The following WHRN variants were observed in gnomAD, a reference collection of about 807,000 sequenced individuals.
The protein encoded by WHRN is CASK-interacting protein CIP98.
A neutral mutation model predicts 68.3 loss-of-function variants in WHRN; 41 were observed. The observed-to-expected ratio is 0.60, with a 90% CI of 0.47 to 0.78. The LOEUF (loss-of-function observed/expected upper bound fraction) is 0.78. WHRN is among the 30% of genes least tolerant of loss of function. The probability of loss-of-function intolerance (pLI) is 0.00; values close to 1 mark genes in which losing one functional copy is unlikely to be tolerated. For synonymous variants in WHRN, 560 were observed against 561.3 expected, an observed-to-expected ratio of 1.00 and a Z score of 0.03; for missense variants, 1,243 against 1,244.7, an observed-to-expected ratio of 1.00 and a Z score of 0.02.
chr9:114,479,914 T>G (rs1841968315), intron 1 of WHRN, among the ~76,000 whole-genome samples: 1 of 151,984 alleles, frequency 6.6e-6, no homozygotes, highest in South Asian at 2.1e-4. Context: ...AATACAAAAA[T>G]TAACTGGGCG....
At chr9:114,409,862 G>T (rs1267676678) in intron 7 of WHRN, among the ~76,000 whole-genome samples, 1 of 151,676 alleles carries the variant, frequency 6.6e-6, no homozygotes, top group Non-Finnish European at 1.5e-5. Context: ...CCTTCTCATT[G>T]ATCACCATCT....
intron 3 of WHRN, among the ~76,000 whole-genome samples, chr9:114,464,847 ATGATGATGATG>A (rs1840540684): frequency 4.6e-5 from 6 of 129,220 alleles, no homozygotes; most frequent in African/African-American, 2.6e-4. Context: ...GATGATGATG[ATGATGATGATG>A]ATGATGATGT....
chr9:114,462,208 G>A (rs1457589965), intron 3 of WHRN, among the ~76,000 whole-genome samples: 1 of 152,228 alleles, frequency 6.6e-6, no homozygotes, highest in Non-Finnish European at 1.5e-5. Flanking sequence ...TGTCCTGCCT[G>A]TAGCTGGGTC....
At chr9:114,455,812 A>T (rs1241476316) in intron 3 of WHRN, among the ~76,000 whole-genome samples, 2 of 152,170 alleles carry the variant, frequency 1.3e-5, no homozygotes, top group Non-Finnish European at 2.9e-5. Context: ...ATCTCAATAA[A>T]CCTATAGTAA....
chr9:114,504,525 T>A lies in WHRN; in HGVS notation c.277A>T (p.Met93Leu), dbSNP rs1428144829. 1.2e-6 allele frequency: 2 copies of A among 1,610,206 alleles called. No individual in the cohort carries two copies. The highest frequency in any genetic ancestry group is 3.3e-5 in the Admixed American group (2 of 60,014). Residue 93 changes from methionine (M) to leucine (L), a missense_variant, in exon 1 of 12, where the codon ATG (methionine) becomes TTG (leucine). Met to Leu is a conservative substitution (Grantham distance 15). Coordinates refer to ENST00000362057, the MANE Select transcript of WHRN (RefSeq NM_015404.4). ...GAGCGCGGGATGACCAGACGAAGCA[T>A]GGGCAGCAGGCGCCGCTTGACCGGA... ...DSPVKRRLLP[M>L]LRLVIPRSDQ...
At position 114,426,950 on chromosome 9, in the gene WHRN, G is replaced by A. The variant is rs1157125906; in HGVS notation, c.964-537C>T. On this transcript the variant is annotated intron_variant, in intron 3 of 11. Transcript: ENST00000362057. Reference sequence around the variant, plus strand: ...CATATGGCTTAGATTCTTACAAGGAGGCAGCTTTATTTTGTAATTAAAAAA... The same window carrying A: ...CATATGGCTTAGATTCTTACAAGGAAGCAGCTTTATTTTGTAATTAAAAAA... Among the ~76,000 whole-genome samples, 6 of 152,154 alleles carry A rather than the reference G, an allele frequency of 3.9e-5. No homozygotes were observed. In the East Asian group the frequency reaches 1.2e-3, roughly 29 times the overall value.
chr9:114,466,498 G>A (rs540757362), intron 2 of WHRN, 106 bp from the exon 3 acceptor site: 12 of 1,524,730 alleles, frequency 7.9e-6, no homozygotes, highest in African/African-American at 6.8e-5. Context: ...CATCTTATCC[G>A]ACTGGCAAGG....
At position 114,478,599 on chromosome 9, in the gene WHRN, T is replaced by C; in HGVS notation, c.791A>G (p.Asp264Gly). The C allele has an allele frequency of 6.2e-7, 1 of 1,614,022 alleles. No individual in the cohort carries two copies. Among genetic ancestry groups the C allele is most frequent in the Non-Finnish European group, 8.5e-7 (1 of 1,179,932 alleles). The change falls in exon 2 of 12, where the codon GAC becomes GGC. Residue 264 changes from aspartate to glycine, a missense_variant. Transcript: ENST00000362057. ...CAGGAGGTGCAGGGTGCTCCTCCGG[T>C]CACCCTCCTGCTGCCTCAGGGCACC... ...HGGALRQQEG[D>G]RRSTLHLLQG... is the part of the protein sequence containing the mutation.
chr9:114,475,416 T>G (rs1345592018), intron 2 of WHRN, among the ~76,000 whole-genome samples: 1 of 152,202 alleles, frequency 6.6e-6, no homozygotes, highest in African/African-American at 2.4e-5. Context: ...CCCTAAGCAC[T>G]ACATCTGTTC....
intron 1 of WHRN, among the ~76,000 whole-genome samples, chr9:114,493,323 C>A (rs890663445): frequency 1.5e-5 from 2 of 129,442 alleles, no homozygotes; most frequent in Admixed American, 9.6e-5. Context: ...TGCACTCCAG[C>A]CTGGCCAACA....
intron 10 of WHRN, among the ~76,000 whole-genome samples, 154 bp downstream of exon 10, chr9:114,403,742 T>C (rs1170766509): frequency 1.3e-5 from 2 of 152,196 alleles, no homozygotes; most frequent in Non-Finnish European, 2.9e-5. Context: ...AATCCAGTGC[T>C]CCTCCAGGAC....
At chr9:114,498,898 C>T (rs923200015) in intron 1 of WHRN, among the ~76,000 whole-genome samples, 3 of 152,114 alleles carry the variant, frequency 2.0e-5, no homozygotes, top group Non-Finnish European at 4.4e-5. Flanking sequence ...GACAAAGCAC[C>T]CAGCACATAG....
chr9:114,497,247 T>C lies in WHRN; in HGVS notation c.618+6937A>G, dbSNP rs571202371. ...ATACAGAGTTGAGAGGATGCTGATA[T>C]TAGGAAACTCAGGTGGAGAGAAAAA... is the stretch of plus-strand genomic sequence containing the variant. On this transcript the variant is annotated intron_variant, in intron 1 of 11. Coordinates refer to ENST00000362057, the MANE Select transcript of WHRN (RefSeq NM_015404.4). Among the ~76,000 whole-genome samples the C allele has an allele frequency of 3.4e-4, 51 of 152,188 alleles. 1 individual carries two copies. The highest frequency in any genetic ancestry group is 2.6e-3 in the Admixed American group (39 of 15,286).
chr9:114,499,445 AT>A (rs1843732896), intron 1 of WHRN, among the ~76,000 whole-genome samples: 1 of 152,244 alleles, frequency 6.6e-6, no homozygotes, highest in East Asian at 1.9e-4. Context: ...ATTTAATGTC[AT>A]TCTTTCCAAT....
chr9:114,468,640 C>T (rs1328190057), intron 2 of WHRN, among the ~76,000 whole-genome samples: 1 of 152,016 alleles, frequency 6.6e-6, no homozygotes, highest in East Asian at 1.9e-4. Context: ...AGGACCAGCC[C>T]CAGTTTTCTC....
chr9:114,489,035 C>T (rs79855989), intron 1 of WHRN, among the ~76,000 whole-genome samples: 5 of 152,222 alleles, frequency 3.3e-5, no homozygotes, highest in Non-Finnish European at 7.3e-5. Context: ...GCCCTGCCAC[C>T]TGAGCTGTCT....
At chr9:114,500,144 T>G (rs77224407) in intron 1 of WHRN, among the ~76,000 whole-genome samples, 1 of 152,312 alleles carries the variant, frequency 6.6e-6, no homozygotes, top group Admixed American at 6.5e-5. Context: ...GAAATGGATA[T>G]GCAGCAGCCA....
chr9:114,411,163 T>C (rs753728692), intron 7 of WHRN, among the ~76,000 whole-genome samples: 55 of 152,082 alleles, frequency 3.6e-4, no homozygotes, highest in Non-Finnish European at 6.6e-4. Context: ...TCCTGGCCCA[T>C]ATGACAACTA....
chr9:114,444,442 ATAAT>A (rs891500992), intron 3 of WHRN, among the ~76,000 whole-genome samples: 37 of 152,274 alleles, frequency 2.4e-4, no homozygotes, highest in African/African-American at 7.7e-4. Flanking sequence ...TTAATCACAT[ATAAT>A]TATTTTTTCC....
Sources: allele counts gnomAD v4.1 joint callset (sites outside exome capture counted in the v4.1 genomes callset), GRCh38; gene constraint gnomAD v4.1.1; transcripts MANE v1.5; gene names NCBI Gene and HGNC (gene_info 2026-07-23, HGNC 2026-07-21).